DNAH12: variants seen among roughly 807,000 people sequenced by gnomAD.
DNAH12 encodes the protein axonemal beta dynein heavy chain 12.
Under a neutral mutation model 371.5 loss-of-function variants are expected in DNAH12, and 285 were observed. That is an observed-to-expected ratio of 0.77 (90% confidence interval 0.70 to 0.85). The LOEUF (loss-of-function observed/expected upper bound fraction) is 0.85, where lower values mean the gene tolerates loss of function less well. Ranked by LOEUF, DNAH12 falls within the 40% of genes least tolerant of loss-of-function variation. The pLI is 0.00. For missense variants in DNAH12, 3,611 were observed against 3,689.4 expected, an observed-to-expected ratio of 0.98 and a Z score of 0.55; for synonymous variants, 1,200 against 1,213.0, an observed-to-expected ratio of 0.99 and a Z score of 0.22.
chr3:57,368,927 C>T (rs879179275), intron 55 of DNAH12, among the ~76,000 whole-genome samples: 1,784 of 152,154 alleles, frequency 0.012, 22 homozygotes, highest in African/African-American at 0.041. Flanking sequence ...AGCACAGATG[C>T]CGGGCACGGT....
At chr3:57,359,035 T>G (rs2062861406) in intron 58 of DNAH12, among the ~76,000 whole-genome samples, 1 of 152,018 alleles carries the variant, frequency 6.6e-6, no homozygotes, top group Non-Finnish European at 1.5e-5. Flanking sequence ...CCACCTGCTT[T>G]GGCCTCCCAA....
intron 51 of DNAH12, 119 bp downstream of exon 51, chr3:57,380,159 A>C (rs2063359555): frequency 1.3e-5 from 2 of 152,116 alleles, no homozygotes; most frequent in South Asian, 4.1e-4. Context: ...TCTCTTTATT[A>C]ATTATCTTAA....
chr3:57,429,608 G>T, intron 33 of DNAH12, 83 bp downstream of exon 33: 1 of 1,286,998 alleles, frequency 7.8e-7, no homozygotes, highest in South Asian at 1.5e-5. Context: ...CCCATTTTCT[G>T]ACATATAATA....
upstream of DNAH12, chr3:57,549,001 C>A (rs973826069): frequency 6.6e-6 from 1 of 152,028 alleles, no homozygotes; most frequent in Admixed American, 6.6e-5. Context: ...AGAGAAGACT[C>A]AGTTTTCCAA....
intron 49 of DNAH12, among the ~76,000 whole-genome samples, chr3:57,383,103 C>A (rs2063429673): frequency 6.6e-6 from 1 of 152,130 alleles, no homozygotes; most frequent in Admixed American, 6.5e-5. Context: ...TGGAGGCTTC[C>A]TACTCAGAGA....
intron 32 of DNAH12, among the ~76,000 whole-genome samples, chr3:57,430,043 A>C (rs970880814): frequency 1.3e-5 from 2 of 152,184 alleles, no homozygotes; most frequent in African/African-American, 4.8e-5. Context: ...CTATAAGACA[A>C]AGTCCAAAAC....
chr3:57,500,760 T>G (rs2067513305), intron 11 of DNAH12, among the ~76,000 whole-genome samples: 1 of 152,106 alleles, frequency 6.6e-6, no homozygotes, highest in African/African-American at 2.4e-5. Flanking sequence ...AAGACAGTGC[T>G]TATGCCTTTT....
chr3:57,488,513 T>C (rs2067012025), intron 12 of DNAH12, among the ~76,000 whole-genome samples: 2 of 152,124 alleles, frequency 1.3e-5, no homozygotes. Context: ...TTTTTCATAG[T>C]TGACACAGTA....
intron 62 of DNAH12, among the ~76,000 whole-genome samples, chr3:57,328,082 CAA>C (rs1466683835): frequency 7.2e-6 from 1 of 138,940 alleles, no homozygotes; most frequent in African/African-American, 2.7e-5. Context: ...GCTTACCAAC[CAA>C]AAAGAGTCCA....
chr3:57,340,185 C>T (rs1219568764), intron 60 of DNAH12, among the ~76,000 whole-genome samples: 2 of 151,458 alleles, frequency 1.3e-5, no homozygotes, highest in African/African-American at 2.4e-5. Flanking sequence ...TAGCAAGAGG[C>T]AAGTTTATAG....
intron 62 of DNAH12, among the ~76,000 whole-genome samples, chr3:57,325,241 G>C (rs2061912123): frequency 6.6e-6 from 1 of 152,230 alleles, no homozygotes; most frequent in Non-Finnish European, 1.5e-5. Flanking sequence ...CACGCAGCTG[G>C]AGATCTGAGA....
At chr3:57,512,615 G>A (rs780381648) in intron 4 of DNAH12, 3 of 152,188 alleles carry the variant, frequency 2.0e-5, no homozygotes, top group Non-Finnish European at 4.4e-5. Flanking sequence ...CTGTTGGTGG[G>A]AATGTAAATT....
intron 60 of DNAH12, among the ~76,000 whole-genome samples, chr3:57,337,911 G>A (rs1478408027): frequency 2.0e-5 from 3 of 152,176 alleles, no homozygotes; most frequent in East Asian, 1.9e-4. Context: ...CATAGTACTT[G>A]CAGAATACAC....
At chr3:57,515,821 T>C (rs2068172256) in intron 4 of DNAH12, among the ~76,000 whole-genome samples, 1 of 151,982 alleles carries the variant, frequency 6.6e-6, no homozygotes, top group Non-Finnish European at 1.5e-5. Flanking sequence ...CAGGCAAAGA[T>C]GTTAACATTA....
intron 58 of DNAH12, among the ~76,000 whole-genome samples, chr3:57,361,728 G>A (rs1276284824): frequency 2.0e-5 from 3 of 151,414 alleles, no homozygotes; most frequent in Admixed American, 6.6e-5. Flanking sequence ...ATTTTCCAGA[G>A]AAGAGTCAAT....
chr3:57,487,974 T>A (rs1296794262), intron 12 of DNAH12, among the ~76,000 whole-genome samples: 1 of 152,164 alleles, frequency 6.6e-6, no homozygotes, highest in East Asian at 1.9e-4. Context: ...GGAAAGGTTC[T>A]AATACTTTAC....
At chr3:57,317,101 G>T (rs1019624869) in intron 65 of DNAH12, among the ~76,000 whole-genome samples, 2 of 152,096 alleles carry the variant, frequency 1.3e-5, no homozygotes, top group Admixed American at 1.3e-4. Flanking sequence ...ATAAATGTTT[G>T]CCCCTTTCCT....
At chr3:57,304,455 T>C (rs1435350388) in intron 69 of DNAH12, among the ~76,000 whole-genome samples, 1 of 152,056 alleles carries the variant, frequency 6.6e-6, no homozygotes, top group Non-Finnish European at 1.5e-5. Flanking sequence ...TCTCTTACTA[T>C]CCCTCAACCT....
intron 4 of DNAH12, among the ~76,000 whole-genome samples, chr3:57,520,432 A>T (rs1347656147): frequency 7.7e-6 from 1 of 129,564 alleles, no homozygotes; most frequent in Non-Finnish European, 1.6e-5. Flanking sequence ...TTATTTTATT[A>T]TTTTATTTAT....
Sources: allele counts gnomAD v4.1 joint callset (sites outside exome capture counted in the v4.1 genomes callset), GRCh38; gene constraint gnomAD v4.1.1; transcripts MANE v1.5; gene names NCBI Gene and HGNC (gene_info 2026-07-23, HGNC 2026-07-21).